The following CDH18 variants were observed in gnomAD, a reference collection of about 807,000 sequenced individuals.
The protein encoded by CDH18 is cadherin 18, also known as cadherin-18.
Under a neutral mutation model 67.9 loss-of-function variants are expected in CDH18, and 31 were observed. The ratio of observed to expected loss-of-function variants is 0.46; its 90% CI spans 0.34 to 0.62. The LOEUF (loss-of-function observed/expected upper bound fraction) is 0.62. CDH18 is among the 20% of genes least tolerant of loss of function. The probability of loss-of-function intolerance (pLI) is 0.01; values close to 1 mark genes in which losing one functional copy is unlikely to be tolerated. For missense variants in CDH18, 890 were observed against 975.5 expected, an observed-to-expected ratio of 0.91 and a Z score of 1.17; for synonymous variants, 362 against 347.2, an observed-to-expected ratio of 1.04 and a Z score of -0.48.
chr5:20,517,270 C>T (rs1755436360), intron 1 of CDH18, among the ~76,000 whole-genome samples: 1 of 151,084 alleles, frequency 6.6e-6, no homozygotes, highest in Admixed American at 6.6e-5. Flanking sequence ...AAATTATTTG[C>T]TTATATATTT....
chr5:19,475,661 T>C (rs1004109662), intron 12 of CDH18, among the ~76,000 whole-genome samples: 1 of 152,030 alleles, frequency 6.6e-6, no homozygotes, highest in Non-Finnish European at 1.5e-5. Context: ...CAAATATTAT[T>C]ATATTATTCC....
intron 3 of CDH18, among the ~76,000 whole-genome samples, chr5:19,796,263 A>G (rs146718481): frequency 2.0e-5 from 3 of 152,236 alleles, no homozygotes; most frequent in Non-Finnish European, 2.9e-5. Context: ...CAAATCCACA[A>G]CAAGATTTAA....
chr5:20,164,914 CTTAT>C (rs1327910541), intron 2 of CDH18, among the ~76,000 whole-genome samples: 2 of 152,120 alleles, frequency 1.3e-5, no homozygotes, highest in Non-Finnish European at 2.9e-5. Flanking sequence ...CTGCACCATT[CTTAT>C]TTGCAGGTGC....
chr5:19,500,359 T>C (rs1743038039), intron 11 of CDH18, among the ~76,000 whole-genome samples: 1 of 152,138 alleles, frequency 6.6e-6, no homozygotes, highest in Admixed American at 6.6e-5. Context: ...TTCTAATATA[T>C]TTATATATGG....
At chr5:19,681,177 T>C (rs1760258337) in intron 5 of CDH18, among the ~76,000 whole-genome samples, 1 of 152,064 alleles carries the variant, frequency 6.6e-6, no homozygotes, top group African/African-American at 2.4e-5. Flanking sequence ...AACCAAATAC[T>C]GCATTTTCTC....
intron 2 of CDH18, among the ~76,000 whole-genome samples, chr5:20,254,253 C>G (rs772436482): frequency 1.3e-5 from 2 of 152,134 alleles, no homozygotes; most frequent in Non-Finnish European, 2.9e-5. Context: ...GCTGGGATTA[C>G]AGGCACGTGC....
chr5:20,316,875 C>T (rs1273031138), intron 1 of CDH18, among the ~76,000 whole-genome samples: 5 of 151,816 alleles, frequency 3.3e-5, no homozygotes, highest in African/African-American at 1.2e-4. Context: ...TATGATGTAC[C>T]ATATGTTCAT....
intron 3 of CDH18, among the ~76,000 whole-genome samples, chr5:19,778,123 C>A (rs945297129): frequency 6.6e-6 from 1 of 152,098 alleles, no homozygotes; most frequent in Non-Finnish European, 1.5e-5. Context: ...TCAATAGACA[C>A]AAAACACCTT....
intron 1 of CDH18, among the ~76,000 whole-genome samples, chr5:20,427,356 G>T (rs1748380981): frequency 6.6e-6 from 1 of 150,738 alleles, no homozygotes; most frequent in African/African-American, 2.5e-5. Flanking sequence ...AGACAGCCAG[G>T]GCTAATAGAA....
intron 1 of CDH18, among the ~76,000 whole-genome samples, chr5:20,482,811 A>T (rs960671948): frequency 6.6e-6 from 1 of 152,090 alleles, no homozygotes; most frequent in Admixed American, 6.6e-5. Flanking sequence ...ACCCACAGCT[A>T]GTACTATACT....
intron 1 of CDH18, among the ~76,000 whole-genome samples, chr5:20,543,788 G>A (rs775538078): frequency 9.9e-5 from 15 of 151,982 alleles, no homozygotes; most frequent in Non-Finnish European, 1.5e-4. Context: ...AGCTCATTGC[G>A]TATAGGTCAG....
At chr5:19,763,295 A>G (rs1772618418) in intron 3 of CDH18, among the ~76,000 whole-genome samples, 1 of 152,238 alleles carries the variant, frequency 6.6e-6, no homozygotes, top group African/African-American at 2.4e-5. Context: ...TAATGGGAGC[A>G]TGGACCAGGG....
intron 3 of CDH18, among the ~76,000 whole-genome samples, chr5:19,805,036 T>C (rs1220903406): frequency 6.6e-6 from 1 of 151,856 alleles, no homozygotes; most frequent in Non-Finnish European, 1.5e-5. Context: ...AGCCTCTGCC[T>C]ACAAGGTTCA....
chr5:20,107,151 T>G (rs1747020350), intron 2 of CDH18, among the ~76,000 whole-genome samples: 2 of 150,176 alleles, frequency 1.3e-5, no homozygotes, highest in Admixed American at 6.7e-5. Flanking sequence ...CGAGATCTCC[T>G]CTCACTGCAA....
chr5:20,161,460 T>C (rs1304189540), intron 2 of CDH18, among the ~76,000 whole-genome samples: 1 of 152,172 alleles, frequency 6.6e-6, no homozygotes, highest in Admixed American at 6.5e-5. Context: ...CAGGAAAAAT[T>C]GCCAAGCCCA....
intron 2 of CDH18, among the ~76,000 whole-genome samples, chr5:20,210,179 A>C (rs1439338419): frequency 6.6e-6 from 1 of 151,826 alleles, no homozygotes; most frequent in Admixed American, 6.6e-5. Flanking sequence ...AGAACCTACA[A>C]GAACGCCATT....
At chr5:19,573,894 T>A (rs1741870798) in intron 7 of CDH18, among the ~76,000 whole-genome samples, 1 of 152,212 alleles carries the variant, frequency 6.6e-6, no homozygotes, top group South Asian at 2.1e-4. Context: ...ACTTGCTGCA[T>A]GTGGAAGGCT....
At chr5:19,544,950 G>A (rs1305727767) in intron 8 of CDH18, among the ~76,000 whole-genome samples, 2 of 151,998 alleles carry the variant, frequency 1.3e-5, no homozygotes, top group African/African-American at 4.8e-5. Flanking sequence ...CTAACCCACC[G>A]ACACATGCAG....
At chr5:20,551,794 T>C (rs1757648242) in intron 1 of CDH18, among the ~76,000 whole-genome samples, 1 of 152,194 alleles carries the variant, frequency 6.6e-6, no homozygotes, top group African/African-American at 2.4e-5. Context: ...CAGTGTTTTT[T>C]TTAAGGGCAA....
Sources: allele counts gnomAD v4.1 joint callset (sites outside exome capture counted in the v4.1 genomes callset), GRCh38; gene constraint gnomAD v4.1.1; transcripts MANE v1.5; gene names NCBI Gene and HGNC (gene_info 2026-07-23, HGNC 2026-07-21).